The following SORT1 variants were observed in gnomAD, a reference collection of about 807,000 sequenced individuals.
SORT1 encodes sortilin.
Under a neutral mutation model 101.7 loss-of-function variants are expected in SORT1, and 39 were observed. The ratio of observed to expected loss-of-function variants is 0.38; its 90% CI spans 0.30 to 0.50. The LOEUF is 0.50. Among genes scored for constraint, SORT1 ranks in the 20% least tolerant of loss-of-function variants. The pLI is 0.90. For synonymous variants in SORT1, 396 were observed against 393.7 expected (o/e 1.01, Z -0.07); for missense variants, 878 against 1,040.4 (o/e 0.84, Z 2.15).
chr1:109,364,694 C>T (rs183014452), intron 3 of SORT1, among the ~76,000 whole-genome samples: 5 of 152,222 alleles, frequency 3.3e-5, no homozygotes, highest in South Asian at 2.1e-4. Context: ...TTGTAGAAGA[C>T]GTGGAGGCAT....
intron 1 of SORT1, among the ~76,000 whole-genome samples, chr1:109,385,364 T>G (rs1457568117): frequency 6.6e-6 from 1 of 152,188 alleles, no homozygotes; most frequent in Admixed American, 6.5e-5. Flanking sequence ...GAGAAGTATA[T>G]TAGAAAGATT....
At chr1:109,354,982 CAGGGGCTGAGG>C (rs1026486455) in intron 4 of SORT1, among the ~76,000 whole-genome samples, 4 of 151,984 alleles carry the variant, frequency 2.6e-5, no homozygotes, top group Non-Finnish European at 4.4e-5. Flanking sequence ...CCCAGCACTT[CAGGGGCTGAGG>C]TGGGTGGATT....
chr1:109,376,198 C>T (rs1245450848), intron 1 of SORT1, among the ~76,000 whole-genome samples: 1 of 151,706 alleles, frequency 6.6e-6, no homozygotes, highest in Admixed American at 6.6e-5. Flanking sequence ...GGCGTGGCGG[C>T]GGGCGCCTGT....
chr1:109,328,525 G>A (rs1648237169), intron 11 of SORT1, among the ~76,000 whole-genome samples: 1 of 152,168 alleles, frequency 6.6e-6, no homozygotes. Flanking sequence ...TCTATATTGT[G>A]TTTGGAGAAA....
intron 15 of SORT1, among the ~76,000 whole-genome samples, chr1:109,319,654 T>C (rs1328595117): frequency 1.3e-5 from 2 of 151,904 alleles, no homozygotes; most frequent in Admixed American, 1.3e-4. Context: ...TTACCTGAAG[T>C]CAAGAGTTCA....
At chr1:109,393,388 T>A (rs375399061) in intron 1 of SORT1, 2 of 803,114 alleles carry the variant, frequency 2.5e-6, no homozygotes, top group Non-Finnish European at 3.0e-6. Flanking sequence ...TCAAATGGTC[T>A]GTACACAGGA....
At chr1:109,381,055 G>T (rs12037569) in intron 1 of SORT1, among the ~76,000 whole-genome samples, 22,420 of 152,032 alleles carry the variant, frequency 0.15, 2,048 homozygotes, top group East Asian at 0.33. Context: ...TTCTACGGTG[G>T]GTGGGAGTAC....
At position 109,322,961 on chromosome 1, in the gene SORT1, G is replaced by C; in HGVS notation, c.1995C>G (p.Ile665Met). The change falls in exon 15 of 20, where the codon ATC (isoleucine) becomes ATG (methionine). Residue 665 changes from isoleucine (I) to methionine (M), a missense_variant. By Grantham distance (10) the Ile-to-Met change is conservative (BLOSUM62 1). Coordinates refer to ENST00000256637, the MANE Select transcript of SORT1 (RefSeq NM_002959.7). Reference sequence around the variant, plus strand: ...GAAAGTCCTCCAGGGAACAGAGGCAGATGGAGGGCTGCTTGGTCACAACAT... The same window carrying C: ...GAAAGTCCTCCAGGGAACAGAGGCACATGGAGGGCTGCTTGGTCACAACAT... ...RDYVVTKQPS[I>M]CLCSLEDFLC... 3 of 1,613,922 alleles carry C rather than the reference G, an allele frequency of 1.9e-6. No individual in the cohort carries two copies. Among genetic ancestry groups the C allele is most frequent in the Non-Finnish European group, 1.7e-6 (2 of 1,179,936 alleles).
Position 109,321,153 on chromosome 1 carries a change from G to T in SORT1, c.2024+1779C>A, listed in dbSNP as rs181391655. The stretch of plus-strand genomic sequence containing the variant: ...CTATCATGATTACTATATTATTATC[G>T]AATAGAATATGCTTCCAAGGAATTT... On this transcript the variant is annotated intron_variant, in intron 15 of 19. Coordinates refer to ENST00000256637, the MANE Select transcript of SORT1 (RefSeq NM_002959.7). Among the ~76,000 whole-genome samples the T allele has an allele frequency of 1.0e-3, 152 of 152,180 alleles. No individual in the cohort carries two copies. The Middle Eastern group carries it at 0.01, about 10-fold the overall frequency.
intron 5 of SORT1, among the ~76,000 whole-genome samples, chr1:109,351,246 C>T (rs1357452814): frequency 6.6e-6 from 1 of 152,136 alleles, no homozygotes; most frequent in African/African-American, 2.4e-5. Context: ...CCAGATGTTG[C>T]ACTGGGGATA....
At chr1:109,358,024 C>T (rs1157617798) in intron 3 of SORT1, among the ~76,000 whole-genome samples, 1 of 152,162 alleles carries the variant, frequency 6.6e-6, no homozygotes, top group Non-Finnish European at 1.5e-5. Context: ...TTCATGACAT[C>T]CCCAGAGAAT....
At chr1:109,338,397 CT>C (rs1195172313) in intron 10 of SORT1, among the ~76,000 whole-genome samples, 4 of 152,220 alleles carry the variant, frequency 2.6e-5, no homozygotes, top group Non-Finnish European at 5.9e-5. Flanking sequence ...ACTGCCAGGA[CT>C]TTACAAAATA....
chr1:109,369,578 A>C lies in SORT1; in HGVS notation c.318T>G (p.Asp106Glu). 1 of 1,606,744 alleles carries C rather than the reference A, an allele frequency of 6.2e-7. No homozygotes were observed. The highest frequency in any genetic ancestry group is 8.5e-7 in the Non-Finnish European group (1 of 1,173,368). The change falls in exon 2 of 20, where the codon GAT (aspartate) becomes GAG (glutamate). Residue 106 changes from aspartate (D) to glutamate (E), a missense_variant. This residue lies in a region of SORT1 where 684 missense variants were observed against 894.5 expected (regional missense o/e 0.76). Coordinates refer to ENST00000256637, the MANE Select transcript of SORT1 (RefSeq NM_002959.7). Reference sequence around the variant, plus strand: ...ACAAGGATACTGAGCCTCTGAGATCATCAAACACATGCTATAAGGGGAAAA... The same window carrying C: ...ACAAGGATACTGAGCCTCTGAGATCCTCAAACACATGCTATAAGGGGAAAA... ...LANNTHQHVFDDLRGSVSLSW... is the reference protein window; with the variant it reads ...LANNTHQHVFEDLRGSVSLSW...
At chr1:109,318,092 G>A (rs574737101) in intron 15 of SORT1, 123 bp from the exon 16 acceptor site, 8 of 615,788 alleles carry the variant, frequency 1.3e-5, no homozygotes, top group African/African-American at 1.3e-4. Context: ...TTAGAAAGTA[G>A]CTCAGGAAGT....
At chr1:109,328,167 T>A (rs149756713) in intron 11 of SORT1, among the ~76,000 whole-genome samples, 2 of 152,358 alleles carry the variant, frequency 1.3e-5, no homozygotes, top group Non-Finnish European at 2.9e-5. Flanking sequence ...TGCTTCTACC[T>A]TTTGGCTATC....
intron 13 of SORT1, among the ~76,000 whole-genome samples, chr1:109,325,346 T>C (rs575420144): frequency 2.0e-5 from 3 of 149,386 alleles, no homozygotes; most frequent in Middle Eastern, 3.4e-3. Flanking sequence ...CAAGTGATTC[T>C]CTCTCATGCC....
chr1:109,322,857 A>T, intron 15 of SORT1, 75 bp downstream of exon 15: 2 of 1,207,484 alleles, frequency 1.7e-6, no homozygotes, highest in East Asian at 2.5e-5. Flanking sequence ...AATATTTGTT[A>T]GCCCTATAAG....
intron 9 of SORT1, 46 bp from the exon 10 acceptor site, chr1:109,340,925 A>G (rs763731480): frequency 1.3e-6 from 2 of 1,493,348 alleles, no homozygotes; most frequent in Non-Finnish European, 1.8e-6. Flanking sequence ...GGGTGGAACC[A>G]AAGAGAAAAA....
intron 18 of SORT1, 59 bp from the exon 19 acceptor site, chr1:109,314,443 G>A: frequency 1.9e-6 from 3 of 1,582,438 alleles, no homozygotes; most frequent in Non-Finnish European, 2.6e-6. Flanking sequence ...ACTTCTTACA[G>A]GACTGTGGAC....
Sources: allele counts gnomAD v4.1 joint callset (sites outside exome capture counted in the v4.1 genomes callset), GRCh38; gene constraint gnomAD v4.1.1; regional missense constraint gnomAD v4.1.1; transcripts MANE v1.5; gene names NCBI Gene and HGNC (gene_info 2026-07-23, HGNC 2026-07-21).